The following JPH1 variants were observed in gnomAD, a reference collection of about 807,000 sequenced individuals.
The protein encoded by JPH1 is junctophilin 1.
Under a neutral mutation model 53.6 loss-of-function variants are expected in JPH1, and 12 were observed. That is an observed-to-expected ratio of 0.22 (90% CI 0.14 to 0.36). JPH1 has a LOEUF of 0.36. Among genes scored for constraint, JPH1 ranks in the 10% least tolerant of loss-of-function variants. The pLI is 1.00. For synonymous variants in JPH1, 375 were observed against 363.8 expected (o/e 1.03, Z -0.35); for missense variants, 808 against 905.5 (o/e 0.89, Z 1.38).
chr8:74,258,072 A>G (rs1011655308), intron 3 of JPH1, among the ~76,000 whole-genome samples: 1 of 152,118 alleles, frequency 6.6e-6, no homozygotes, highest in Admixed American at 6.5e-5. Flanking sequence ...TTTGACTTAC[A>G]TCGTTCGTTA....
At chr8:74,286,682 C>T (rs1807173666) in intron 2 of JPH1, among the ~76,000 whole-genome samples, 1 of 152,156 alleles carries the variant, frequency 6.6e-6, no homozygotes. Context: ...AGTAATTGGC[C>T]AGATACATGC....
chr8:74,267,527 C>G (rs567341769), intron 2 of JPH1, among the ~76,000 whole-genome samples: 1 of 152,220 alleles, frequency 6.6e-6, no homozygotes, highest in African/African-American at 2.4e-5. Flanking sequence ...ATGAGTCAGT[C>G]CTGGAGAAGG....
At chr8:74,306,348 G>T (rs1177751285) in intron 2 of JPH1, among the ~76,000 whole-genome samples, 1 of 152,136 alleles carries the variant, frequency 6.6e-6, no homozygotes, top group African/African-American at 2.4e-5. Context: ...CCCTTGATAT[G>T]GACAATCATG....
chr8:74,294,332 C>T (rs1450715235), intron 2 of JPH1, among the ~76,000 whole-genome samples: 4 of 152,204 alleles, frequency 2.6e-5, no homozygotes, highest in Admixed American at 2.6e-4. Flanking sequence ...ACCTCTCGAG[C>T]TTCATTTCTA....
chr8:74,301,368 G>A (rs911810093), intron 2 of JPH1, among the ~76,000 whole-genome samples: 5 of 152,246 alleles, frequency 3.3e-5, no homozygotes, highest in East Asian at 1.9e-4. Context: ...ATATCCTCCC[G>A]ATGCACTTTC....
At chr8:74,311,526 TTTA>T (rs1383416260) in intron 2 of JPH1, among the ~76,000 whole-genome samples, 2 of 152,058 alleles carry the variant, frequency 1.3e-5, no homozygotes, top group African/African-American at 4.8e-5. Context: ...AATTTTTTAT[TTTA>T]TTATTATTAT....
rs534964807 is a variant in JPH1, at chr8:74,285,873, G to A, written c.1140-26370C>T. ...TCTATATATGTAAATAACAGAAAAA[G>A]TTTTATGAAGATACTTCACTGCCTT... On this transcript the variant is annotated intron_variant, in intron 2 of 5. Coordinates refer to ENST00000342232, the MANE Select transcript of JPH1 (RefSeq NM_020647.4). Among the ~76,000 whole-genome samples the A allele has an allele frequency of 4.9e-4, 75 of 152,304 alleles. No individual in the cohort carries two copies. The South Asian group carries it at 0.016, about 32-fold the overall frequency.
At chr8:74,294,188 G>T (rs533242982) in intron 2 of JPH1, among the ~76,000 whole-genome samples, 1 of 152,322 alleles carries the variant, frequency 6.6e-6, no homozygotes, top group South Asian at 2.1e-4. Flanking sequence ...AGGGCCTGGG[G>T]ACTTCTCTGT....
At position 74,237,203 on chromosome 8, in the gene JPH1, C is replaced by T; in HGVS notation, c.*15+5G>A. The T allele has an allele frequency of 1.3e-6, 2 of 1,548,768 alleles. No homozygotes were observed. The highest frequency in any genetic ancestry group is 1.8e-6 in the Non-Finnish European group (2 of 1,128,702). On this transcript the variant is annotated splice_donor_5th_base_variant and intron_variant, in intron 5 of 5. Coordinates refer to ENST00000342232, the MANE Select transcript of JPH1 (RefSeq NM_020647.4). ...ATTTTAGATAGAAATTAAGGCGATTCTTACCTTTCCTAATTCCAATCAAGT... is the reference window on the plus strand; with the variant it reads ...ATTTTAGATAGAAATTAAGGCGATTTTTACCTTTCCTAATTCCAATCAAGT...
intron 2 of JPH1, among the ~76,000 whole-genome samples, chr8:74,264,169 G>C (rs184358838): frequency 1.3e-5 from 2 of 152,174 alleles, no homozygotes; most frequent in South Asian, 4.2e-4. Flanking sequence ...ACTAACTGAC[G>C]AAGCTGATAA....
chr8:74,292,129 C>G (rs1359248660), intron 2 of JPH1, among the ~76,000 whole-genome samples: 1 of 152,104 alleles, frequency 6.6e-6, no homozygotes, highest in African/African-American at 2.4e-5. Context: ...ACATATGTAA[C>G]AAACCTGCAC....
At chr8:74,292,498 T>C (rs1807363367) in intron 2 of JPH1, among the ~76,000 whole-genome samples, 1 of 152,222 alleles carries the variant, frequency 6.6e-6, no homozygotes, top group East Asian at 1.9e-4. Context: ...CTAATTCTTC[T>C]GATGCCATTT....
At position 74,271,211 on chromosome 8, in the gene JPH1, C is replaced by T. The variant is rs377706835; in HGVS notation, c.1140-11708G>A. Among the ~76,000 whole-genome samples, 11 of 152,282 alleles carry T rather than the reference C, an allele frequency of 7.2e-5. No individual in the cohort carries two copies. In the East Asian group the frequency reaches 1.9e-3, roughly 27 times the overall value. ...TGCCATCTTCTAACTGTGGGGAAGT[C>T]GACTGAATTGGTAGGGGTAGGGAAA... On this transcript the variant is annotated intron_variant, in intron 2 of 5. Transcript: ENST00000342232.
intron 2 of JPH1, among the ~76,000 whole-genome samples, chr8:74,295,835 T>A (rs1285316259): frequency 1.3e-5 from 2 of 152,076 alleles, no homozygotes; most frequent in Non-Finnish European, 2.9e-5. Context: ...AGTCCCCAGG[T>A]CATGAGTCAA....
At position 74,321,187 on chromosome 8, in the gene JPH1, C is replaced by A; in HGVS notation, c.101G>T (p.Gly34Val). 1 of 1,613,158 alleles carries A rather than the reference C, an allele frequency of 6.2e-7. No homozygotes were observed. Among genetic ancestry groups the A allele is most frequent in the Non-Finnish European group, 8.5e-7 (1 of 1,179,778 alleles). Reference sequence around the variant, plus strand: ...CCAGGAGCCCGAGTACTCGCCCTGGCCCTTGGGCCCCGTGCAGATGCCATG... The same window carrying A: ...CCAGGAGCCCGAGTACTCGCCCTGGACCTTGGGCCCCGTGCAGATGCCATG... ...HGHGICTGPK[G>V]QGEYSGSWSH... The change falls in exon 1 of 6, where the codon GGC becomes GTC. Residue 34 changes from glycine to valine, a missense_variant. Physicochemically the swap from Gly to Val is moderately radical, Grantham distance 109. Around this residue, in one of 2 missense-constraint regions of JPH1, gnomAD observed 52 missense variants for 93.6 expected, o/e 0.56. Transcript: ENST00000342232. The surrounding 1 kb of genome is among the most constrained non-coding windows in gnomAD (Gnocchi z 4.3).
At chr8:74,307,042 T>C (rs1290520039) in intron 2 of JPH1, among the ~76,000 whole-genome samples, 1 of 152,234 alleles carries the variant, frequency 6.6e-6, no homozygotes, top group Non-Finnish European at 1.5e-5. Flanking sequence ...ACAGATCTGG[T>C]GCTGGAAATG....
chr8:74,290,320 A>T (rs533116622), intron 2 of JPH1, among the ~76,000 whole-genome samples: 1 of 152,214 alleles, frequency 6.6e-6, no homozygotes, highest in African/African-American at 2.4e-5. Context: ...CAAAAATCAC[A>T]AGCATTCCTA....
chr8:74,319,810 A>AT (rs1282876524), intron 1 of JPH1, among the ~76,000 whole-genome samples: 1 of 152,214 alleles, frequency 6.6e-6, no homozygotes, highest in Non-Finnish European at 1.5e-5. Flanking sequence ...ACTAAATATG[A>AT]TTATGTTTAT....
In JPH1 at chr8:74,254,380, G is replaced by T. The variant is rs573169614; in HGVS notation, c.1258+5005C>A. ...AAAAACTCTCAATAAATTAGGTATT[G>T]ATGGGATGTATCTCAAAATAGTAAG... On this transcript the variant is annotated intron_variant, in intron 3 of 5. Transcript: ENST00000342232. 2.4e-4 allele frequency among the ~76,000 whole-genome samples: 37 copies of T among 152,166 alleles called. 1 individual carries two copies. The South Asian group carries it at 7.7e-3, about 32-fold the overall frequency.
Sources: allele counts gnomAD v4.1 joint callset (sites outside exome capture counted in the v4.1 genomes callset), GRCh38; gene constraint gnomAD v4.1.1; regional missense constraint gnomAD v4.1.1; non-coding constraint Gnocchi (gnomAD v3.1); transcripts MANE v1.5; gene names NCBI Gene and HGNC (gene_info 2026-07-23, HGNC 2026-07-21).